Variants in ACTR1B observed in about 807,000 individuals in gnomAD.
ACTR1B encodes the protein actin related protein 1B.
In ACTR1B, 34 loss-of-function variants were observed where a neutral mutation model predicts 49.4. The observed-to-expected ratio is 0.69, with a 90% CI of 0.52 to 0.92. The LOEUF (loss-of-function observed/expected upper bound fraction) is 0.92. ACTR1B is among the 40% of genes least tolerant of loss of function. ACTR1B has a pLI of 0.00. For synonymous variants in ACTR1B, 207 were observed against 207.8 expected, an observed-to-expected ratio of 1.00 and a Z score of 0.03; for missense variants, 471 against 522.4, an observed-to-expected ratio of 0.90 and a Z score of 0.96.
chr2:97,657,558 G>A (rs762520680), intron 8 of ACTR1B, 49 bp from the exon 9 acceptor site: 20 of 1,590,824 alleles, frequency 1.3e-5, no homozygotes, highest in Admixed American at 1.7e-5. Flanking sequence ...CGGCCTCCTC[G>A]CTGCTAGCTC....
At chr2:97,657,043 A>T in intron 10 of ACTR1B, 83 bp from the exon 11 acceptor site, 1 of 1,575,492 alleles carries the variant, frequency 6.3e-7, no homozygotes, top group Non-Finnish European at 8.7e-7. Context: ...GCATTTCCCT[A>T]ATTTGGGAGG....
Position 97,659,918 on chromosome 2 carries a change from G to A in ACTR1B, c.190-441C>T, listed in dbSNP as rs1202487926. On this transcript the variant is annotated intron_variant, in intron 3 of 10. Coordinates refer to ENST00000289228, the MANE Select transcript of ACTR1B (RefSeq NM_005735.4). The surrounding 1 kb of genome is among the most constrained non-coding windows in gnomAD (Gnocchi z 4.0). ...CCAGCCCTTTGGCCGGTCCTCACCA[G>A]TCCCCTGTTTGCACTGACATGCTGC... 9.1e-5 allele frequency: 20 copies of A among 219,780 alleles called. No homozygotes were observed. The East Asian group carries it at 2.5e-3, about 28-fold the overall frequency. 13.6% of individuals were successfully genotyped at this position (219,780 alleles called of 1,614,324 possible). A position where few individuals can be genotyped will look rare whatever the true frequency, so the allele number is the denominator to read the frequency against.
In ACTR1B at chr2:97,659,625, G is replaced by A; in HGVS notation, c.190-148C>T. ...CTGCTCACTGGGTGTCCCAGGGTCT[G>A]TGGCGGGTCCTGAACTCAGCATGGG... On this transcript the variant is annotated intron_variant, in intron 3 of 10. Coordinates refer to ENST00000289228, the MANE Select transcript of ACTR1B (RefSeq NM_005735.4). This position sits in a 1 kb window ranked among gnomAD's most constrained non-coding sequence, Gnocchi z 4.0. 8.0e-7 allele frequency: 1 copy of A among 1,257,542 alleles called. No individual in the cohort carries two copies. The highest frequency in any genetic ancestry group is 1.1e-6 in the Non-Finnish European group (1 of 906,268). 77.9% of individuals were successfully genotyped at this position (1,257,542 alleles called of 1,614,324 possible).
At chr2:97,657,313 C>A in intron 9 of ACTR1B, 121 bp from the exon 10 acceptor site, 1 of 1,498,262 alleles carries the variant, frequency 6.7e-7, no homozygotes, top group Non-Finnish European at 9.3e-7. Flanking sequence ...TGGGGAGTGG[C>A]AGCAGCAGCC....
chr2:97,658,016 G>A lies in ACTR1B; in HGVS notation c.852C>T (p.His284=), dbSNP rs757416072. The A allele has an allele frequency of 8.7e-6, 14 of 1,614,194 alleles. No individual in the cohort carries two copies. In the South Asian group the frequency reaches 1.5e-4, roughly 18 times the overall value. The change falls in exon 8 of 11, where the codon CAC becomes CAT. Residue 284 remains histidine, a synonymous_variant. Transcript: ENST00000289228. The surrounding 1 kb of genome is among the most constrained non-coding windows in gnomAD (Gnocchi z 5.9). ...GLHEVVAFAI[H]KSDMDLRRTL... ...TCCGGCGCAGGTCCATGTCGGACTT[G>A]TGTATGGCGAAGGCCACCACCTCAT...
Position 97,659,308 on chromosome 2 carries a change from T to G in ACTR1B, c.315+44A>C. 6.2e-7 allele frequency: 1 copy of G among 1,612,242 alleles called. No homozygotes were observed. Among genetic ancestry groups the G allele is most frequent in the East Asian group, 2.2e-5 (1 of 44,848 alleles). On this transcript the variant is annotated intron_variant, in intron 4 of 10. Coordinates refer to ENST00000289228, the MANE Select transcript of ACTR1B (RefSeq NM_005735.4). This position sits in a 1 kb window ranked among gnomAD's most constrained non-coding sequence, Gnocchi z 4.0. ...AGGAGGGACGCAGAGGAGAGGGGCATGGCCAGGAGAATGCAGAGCATGCAG... is the reference window on the plus strand; with the variant it reads ...AGGAGGGACGCAGAGGAGAGGGGCAGGGCCAGGAGAATGCAGAGCATGCAG...
rs769636192 is a variant in ACTR1B at position 97,658,601 on chromosome 2, C to T, written c.483G>A (p.Gly161=). ...GRTTGVVLDS[G]DGVTHAVPIY... ...TGGGCACAGCATGAGTGACCCCGTCCCCTGAGTCTAGAACCACTCCTGTCG... is the reference window on the plus strand; with the variant it reads ...TGGGCACAGCATGAGTGACCCCGTCTCCTGAGTCTAGAACCACTCCTGTCG... The change falls in exon 6 of 11, where the codon GGG becomes GGA. Residue 161 remains glycine (G), a synonymous_variant. Coordinates refer to ENST00000289228, the MANE Select transcript of ACTR1B (RefSeq NM_005735.4). This position sits in a 1 kb window ranked among gnomAD's most constrained non-coding sequence, Gnocchi z 5.9. The T allele has an allele frequency of 3.5e-5, 56 of 1,613,910 alleles. No individual in the cohort carries two copies. Among genetic ancestry groups the T allele is most frequent in the Non-Finnish European group, 4.5e-5 (53 of 1,180,010 alleles).
At position 97,656,884 on chromosome 2, in the gene ACTR1B, G is replaced by C. The variant is rs772386944; in HGVS notation, c.1105C>G (p.Arg369Gly). Residue 369 changes from arginine to glycine, a missense_variant, in exon 11 of 11, where the codon CGT (arginine) becomes GGT (glycine). Arg to Gly is a moderately radical substitution (Grantham distance 125). Transcript: ENST00000289228. ...SKKEYEEDGS[R>G]AIHRKTF ...TAGAAAGTTTTGCGATGAATAGCAC[G>C]GGAGCCATCCTCTTCATACTCCTTT... The C allele has an allele frequency of 6.3e-7, 1 of 1,590,258 alleles. No homozygotes were observed. Among genetic ancestry groups the C allele is most frequent in the East Asian group, 2.3e-5 (1 of 44,252 alleles).
At position 97,658,978 on chromosome 2, in the gene ACTR1B, G is replaced by C; in HGVS notation, c.341C>G (p.Pro114Arg). ...CTCCCGGTTCTTACTCGGGTTGAGC[G>C]GGGCCTCCGTGAGGAGCACAGGATG... The part of the protein sequence containing the change: ...EEHPVLLTEA[P>R]LNPSKNREKA... Residue 114 changes from proline to arginine, a missense_variant, in exon 5 of 11, where the codon CCG becomes CGG. Transcript: ENST00000289228. The surrounding 1 kb of genome is among the most constrained non-coding windows in gnomAD (Gnocchi z 5.9). The C allele has an allele frequency of 6.2e-7, 1 of 1,614,060 alleles. No individual in the cohort carries two copies. Among genetic ancestry groups the C allele is most frequent in the Non-Finnish European group, 8.5e-7 (1 of 1,180,010 alleles).
At chr2:97,660,809 G>A (rs940469954) in intron 2 of ACTR1B, among the ~76,000 whole-genome samples, 163 bp from the exon 3 acceptor site, 1 of 152,214 alleles carries the variant, frequency 6.6e-6, no homozygotes, top group African/African-American at 2.4e-5. Context: ...GGGGTTCGGG[G>A]CTAGAGAGGG....
In ACTR1B at chr2:97,658,509, C is replaced by A. The variant is rs573455467; in HGVS notation, c.575G>T (p.Arg192Leu). The change falls in exon 6 of 11, where the codon CGC becomes CTC. Residue 192 changes from arginine to leucine, a missense_variant. Physicochemically the swap from Arg to Leu is moderately radical, Grantham distance 102. Coordinates refer to ENST00000289228, the MANE Select transcript of ACTR1B (RefSeq NM_005735.4). This position sits in a 1 kb window ranked among gnomAD's most constrained non-coding sequence, Gnocchi z 5.9. ...RVDIAGRDVS[R>L]YLRLLLRKEG... ...CTTGCGCAGCAGGAGTCGGAGGTAG[C>A]GGGAGACGTCGCGGCCGGCAATGTC... 17 of 1,614,072 alleles carry A rather than the reference C, an allele frequency of 1.1e-5. No homozygotes were observed. In the South Asian group the frequency reaches 1.2e-4, roughly 11 times the overall value.
In ACTR1B at chr2:97,659,437, T is replaced by C. The variant is rs754904856; in HGVS notation, c.230A>G (p.His77Arg). Reference sequence around the variant, plus strand: ...GTCGTTCCAGTCTCGCACCACGCCGTGCTCCATGGGGTAGCGGATGGTCAG... The same window carrying C: ...GTCGTTCCAGTCTCGCACCACGCCGCGCTCCATGGGGTAGCGGATGGTCAG... The part of the protein sequence containing the change: ...GLLTIRYPME[H>R]GVVRDWNDME... The change falls in exon 4 of 11, where the codon CAC (histidine) becomes CGC (arginine). Residue 77 changes from histidine to arginine, a missense_variant. By Grantham distance (29) the His-to-Arg change is conservative. Coordinates refer to ENST00000289228, the MANE Select transcript of ACTR1B (RefSeq NM_005735.4). The surrounding 1 kb of genome is among the most constrained non-coding windows in gnomAD (Gnocchi z 4.0). 1.2e-6 allele frequency: 2 copies of C among 1,613,976 alleles called. No homozygotes were observed. The highest frequency in any genetic ancestry group is 1.7e-5 in the Admixed American group (1 of 60,022).
rs1444862218 is a variant in ACTR1B, at chr2:97,663,834, G to C, written c.48+9C>G. 1.4e-6 allele frequency: 2 copies of C among 1,405,418 alleles called. No individual in the cohort carries two copies. Among genetic ancestry groups the C allele is most frequent in the African/African-American group, 1.5e-5 (1 of 67,244 alleles). 87.1% of individuals were successfully genotyped at this position (1,405,418 alleles called of 1,614,324 possible). ...GGCGCCCGCCCTCCCCCTGGCTGCC[G>C]GGCCTCACGTTGTCGATGACCACAG... is the stretch of plus-strand genomic sequence containing the variant. On this transcript the variant is annotated intron_variant, in intron 1 of 10. Transcript: ENST00000289228.
chr2:97,663,835 G>A lies in ACTR1B; in HGVS notation c.48+8C>T. ...GCGCCCGCCCTCCCCCTGGCTGCCG[G>A]GCCTCACGTTGTCGATGACCACAGG... On this transcript the variant is annotated splice_region_variant and intron_variant, in intron 1 of 10. Coordinates refer to ENST00000289228, the MANE Select transcript of ACTR1B (RefSeq NM_005735.4). 1 of 1,412,200 alleles carries A rather than the reference G, an allele frequency of 7.1e-7. No individual in the cohort carries two copies. Among genetic ancestry groups the A allele is most frequent in the Non-Finnish European group, 9.4e-7 (1 of 1,068,402 alleles). The allele number at this position is 1,412,200 out of a possible 1,614,324, so 87.5% of individuals were successfully genotyped here.
chr2:97,657,102 C>G (rs1451819902), intron 10 of ACTR1B, 50 bp downstream of exon 10: 2 of 1,600,494 alleles, frequency 1.2e-6, no homozygotes, highest in African/African-American at 2.7e-5. Context: ...GGAGGAGCAT[C>G]CAGGGTAAAG....
chr2:97,659,206 A>G lies in ACTR1B; in HGVS notation c.315+146T>C. The G allele has an allele frequency of 7.3e-7, 1 of 1,374,344 alleles. No individual in the cohort carries two copies. The allele number at this position is 1,374,344 out of a possible 1,614,324, so 85.1% of individuals were successfully genotyped here. A position where few individuals can be genotyped will look rare whatever the true frequency, so the allele number is the denominator to read the frequency against. Reference sequence around the variant, plus strand: ...AGATTCTGCCTAGCAGCCACTGGGTACGTATGCGCACCCAGACACACACGG... The same window carrying G: ...AGATTCTGCCTAGCAGCCACTGGGTGCGTATGCGCACCCAGACACACACGG... On this transcript the variant is annotated intron_variant, in intron 4 of 10. Coordinates refer to ENST00000289228, the MANE Select transcript of ACTR1B (RefSeq NM_005735.4). The surrounding 1 kb of genome is among the most constrained non-coding windows in gnomAD (Gnocchi z 4.0).
intron 1 of ACTR1B, among the ~76,000 whole-genome samples, chr2:97,663,163 G>A (rs1363256178): frequency 2.6e-5 from 4 of 152,210 alleles, no homozygotes; most frequent in Non-Finnish European, 5.9e-5. Flanking sequence ...CCCCACTGCT[G>A]AAGGACAAAG....
At position 97,658,726 on chromosome 2, in the gene ACTR1B, G is replaced by A; in HGVS notation, c.441-83C>T. On this transcript the variant is annotated intron_variant, in intron 5 of 10. Transcript: ENST00000289228. This position sits in a 1 kb window ranked among gnomAD's most constrained non-coding sequence, Gnocchi z 5.9. The stretch of plus-strand genomic sequence containing the variant: ...CCAGGGGAGGAACCCTGGCACATCT[G>A]CATTATCTAGTCTGAAGAGAGGACA... 6.3e-7 allele frequency: 1 copy of A among 1,581,078 alleles called. No individual in the cohort carries two copies. The highest frequency in any genetic ancestry group is 8.7e-7 in the Non-Finnish European group (1 of 1,153,316).
intron 3 of ACTR1B, among the ~76,000 whole-genome samples, 185 bp downstream of exon 3, chr2:97,660,386 C>G (rs1455952910): frequency 6.6e-6 from 1 of 152,238 alleles, no homozygotes; most frequent in Non-Finnish European, 1.5e-5. Flanking sequence ...ACGATGAGCT[C>G]TACCCATGCT....
Sources: gnomAD v4.1 joint callset for allele counts (sites outside exome capture counted in the v4.1 genomes callset) on GRCh38, gnomAD v4.1.1 for gene constraint, Gnocchi (gnomAD v3.1) non-coding constraint, MANE v1.5 for transcripts, NCBI Gene and HGNC (gene_info 2026-07-23, HGNC 2026-07-21) for gene names.